CPNE4: variants seen among roughly 807,000 people sequenced by gnomAD.
CPNE4 encodes copine-4.
In CPNE4, 25 loss-of-function variants were observed where a neutral mutation model predicts 67.9. The observed-to-expected ratio is 0.37, with a 90% CI of 0.27 to 0.51. CPNE4 has a LOEUF of 0.51. CPNE4 is among the 20% of genes least tolerant of loss of function. The pLI, the probability that CPNE4 is intolerant of heterozygous loss-of-function variation, is 0.93. For synonymous variants in CPNE4, 242 were observed against 244.9 expected (o/e 0.99, Z 0.11); for missense variants, 464 against 690.8 (o/e 0.67, Z 3.68).
intron 2 of CPNE4, among the ~76,000 whole-genome samples, chr3:131,757,619 G>A (rs1051654622): frequency 3.9e-5 from 6 of 152,160 alleles, no homozygotes; most frequent in African/African-American, 1.4e-4. Flanking sequence ...AATTCAAGCC[G>A]GCTGCAGAAA....
intron 1 of CPNE4, among the ~76,000 whole-genome samples, chr3:131,923,916 C>T (rs1371211318): frequency 1.3e-5 from 2 of 151,832 alleles, no homozygotes; most frequent in Non-Finnish European, 2.9e-5. Flanking sequence ...GAATGAGAGA[C>T]TAAAGGGACC....
Position 131,593,956 on chromosome 3 carries a change from A to C in CPNE4, c.682-6374T>G, listed in dbSNP as rs376346291. ...GATGGTCTCAATCTCTTGACCTCGT[A>C]ATCTGCCTGCCTCGGACTCCTAAAG... is the stretch of plus-strand genomic sequence containing the variant. On this transcript the variant is annotated intron_variant, in intron 7 of 15. Coordinates refer to ENST00000429747, the MANE Select transcript of CPNE4 (RefSeq NM_130808.3). Among the ~76,000 whole-genome samples the C allele has an allele frequency of 7.9e-5, 12 of 151,944 alleles. No individual in the cohort carries two copies. The East Asian group carries it at 9.7e-4, about 12-fold the overall frequency.
intron 2 of CPNE4, among the ~76,000 whole-genome samples, chr3:131,858,379 C>T (rs2107660714): frequency 6.6e-6 from 1 of 152,134 alleles, no homozygotes; most frequent in South Asian, 2.1e-4. Context: ...AGACAAGCAG[C>T]CCCAGATAAA....
At chr3:131,919,500 C>T (rs1251929197) in intron 1 of CPNE4, among the ~76,000 whole-genome samples, 2 of 152,044 alleles carry the variant, frequency 1.3e-5, no homozygotes, top group East Asian at 3.9e-4. Context: ...GAAAACCAGG[C>T]CAAATGATAA....
In CPNE4 at chr3:131,951,501, A is replaced by T. The variant is rs560300643; in HGVS notation, c.-1-46057T>A. ...TAGAGATACTCCCCCTCCCCTTAGAATTCCTTCTTCAGCCCTCTCCCTCTC... is the reference window on the plus strand; with the variant it reads ...TAGAGATACTCCCCCTCCCCTTAGATTTCCTTCTTCAGCCCTCTCCCTCTC... On this transcript the variant is annotated intron_variant, in intron 1 of 15. Coordinates refer to ENST00000429747, the MANE Select transcript of CPNE4 (RefSeq NM_130808.3). 3.9e-5 allele frequency among the ~76,000 whole-genome samples: 6 copies of T among 151,910 alleles called. No individual in the cohort carries two copies. In the South Asian group the frequency reaches 1.0e-3, roughly 26 times the overall value.
intron 2 of CPNE4, among the ~76,000 whole-genome samples, chr3:131,833,402 ATC>A (rs1412483801): frequency 6.6e-6 from 1 of 152,182 alleles, no homozygotes; most frequent in Non-Finnish European, 1.5e-5. Context: ...ATGATATAAA[ATC>A]TGCTTGGGGC....
chr3:131,972,271 AAG>A (rs2072523615), intron 1 of CPNE4, among the ~76,000 whole-genome samples: 1 of 152,190 alleles, frequency 6.6e-6, no homozygotes, highest in Non-Finnish European at 1.5e-5. Flanking sequence ...TGGCAGCAAC[AAG>A]TACATACTTC....
chr3:131,577,349 C>G (rs1311756982), intron 9 of CPNE4, among the ~76,000 whole-genome samples: 1 of 152,012 alleles, frequency 6.6e-6, no homozygotes, highest in Non-Finnish European at 1.5e-5. Flanking sequence ...GATGGAAATA[C>G]ATTCTGAGAA....
chr3:131,781,061 C>T (rs1560297042), intron 2 of CPNE4, among the ~76,000 whole-genome samples: 1 of 151,856 alleles, frequency 6.6e-6, no homozygotes, highest in Non-Finnish European at 1.5e-5. Context: ...ATGAATGAAC[C>T]TGGCTAAATG....
chr3:131,619,601 G>T (rs185459613), intron 7 of CPNE4, among the ~76,000 whole-genome samples: 2 of 152,148 alleles, frequency 1.3e-5, no homozygotes, highest in Admixed American at 1.3e-4. Context: ...AAGTTCATTG[G>T]CTTGAAAAAT....
intron 2 of CPNE4, among the ~76,000 whole-genome samples, chr3:131,781,883 C>G (rs2083439564): frequency 6.6e-6 from 1 of 152,128 alleles, no homozygotes; most frequent in African/African-American, 2.4e-5. Flanking sequence ...CCAGGCCCTA[C>G]TGTGACAATT....
intron 2 of CPNE4, among the ~76,000 whole-genome samples, chr3:131,779,077 C>A (rs1677020729): frequency 6.6e-6 from 1 of 151,960 alleles, no homozygotes; most frequent in African/African-American, 2.4e-5. Flanking sequence ...GAATGCAATC[C>A]CATTCACAAT....
intron 3 of CPNE4, among the ~76,000 whole-genome samples, chr3:131,721,496 C>T (rs1274901859): frequency 3.3e-5 from 5 of 150,606 alleles, no homozygotes; most frequent in Non-Finnish European, 7.4e-5. Flanking sequence ...TCCGGGTTCA[C>T]GCCATCCTCC....
At chr3:131,998,998 G>A (rs1484002081) in intron 1 of CPNE4, among the ~76,000 whole-genome samples, 1 of 151,970 alleles carries the variant, frequency 6.6e-6, no homozygotes, top group African/African-American at 2.4e-5. Context: ...ATGCTTAAGA[G>A]GGACTGTGAT....
At chr3:131,847,115 A>G (rs944346700) in intron 2 of CPNE4, among the ~76,000 whole-genome samples, 2 of 152,166 alleles carry the variant, frequency 1.3e-5, no homozygotes, top group Non-Finnish European at 2.9e-5. Context: ...ATGTCATCTC[A>G]TGGCTGGCTC....
intron 2 of CPNE4, among the ~76,000 whole-genome samples, chr3:131,853,078 C>T (rs970555998): frequency 2.6e-5 from 4 of 151,562 alleles, no homozygotes; most frequent in African/African-American, 7.3e-5. Flanking sequence ...CCAGTTTATC[C>T]TAACATTTCT....
intron 1 of CPNE4, among the ~76,000 whole-genome samples, chr3:131,973,267 G>T (rs546668520): frequency 1.3e-5 from 2 of 152,266 alleles, no homozygotes; most frequent in Admixed American, 6.5e-5. Flanking sequence ...GATCTTGAAA[G>T]AATTCCTGTC....
intron 2 of CPNE4, among the ~76,000 whole-genome samples, chr3:131,775,864 A>C (rs2083277355): frequency 6.6e-6 from 1 of 152,326 alleles, no homozygotes. Context: ...AGAAAACCAC[A>C]ATGTGCTGAT....
At chr3:131,934,050 A>G (rs1357161930) in intron 1 of CPNE4, among the ~76,000 whole-genome samples, 1 of 152,230 alleles carries the variant, frequency 6.6e-6, no homozygotes, top group Non-Finnish European at 1.5e-5. Context: ...GCTGCTAGAT[A>G]TATGGAGCTT....
Sources: gnomAD v4.1 joint callset for allele counts (sites outside exome capture counted in the v4.1 genomes callset) on GRCh38, gnomAD v4.1.1 for gene constraint, MANE v1.5 for transcripts, NCBI Gene and HGNC (gene_info 2026-07-23, HGNC 2026-07-21) for gene names.